The following CYP2C19 variants were observed in gnomAD, a reference collection of about 807,000 sequenced individuals.
CYP2C19 encodes cytochrome P450 family 2 subfamily C member 19, also known as cytochrome P450 2C19.
Under a neutral mutation model 40.9 loss-of-function variants are expected in CYP2C19, and 59 were observed. The ratio of observed to expected loss-of-function variants is 1.44; its 90% CI spans 1.17 to 1.79. The LOEUF is 1.79. CYP2C19 is among the 40% of genes most tolerant of loss of function. CYP2C19 has a pLI of 0.00. For synonymous variants in CYP2C19, 253 were observed against 208.7 expected (o/e 1.21, Z -1.83); for missense variants, 754 against 596.9 (o/e 1.26, Z -2.74).
chr10:94,771,013 T>C (rs190469013), intron 1 of CYP2C19, among the ~76,000 whole-genome samples: 1 of 152,180 alleles, frequency 6.6e-6, no homozygotes, highest in African/African-American at 2.4e-5. Context: ...CAGGGTTTGA[T>C]CTAACAATAG....
chr10:94,824,748 G>A (rs1017610040), intron 6 of CYP2C19, among the ~76,000 whole-genome samples: 7 of 150,410 alleles, frequency 4.7e-5, no homozygotes, highest in South Asian at 4.2e-4. Context: ...GCTGGTGCAC[G>A]GCACCCACTA....
intron 1 of CYP2C19, among the ~76,000 whole-genome samples, chr10:94,772,467 A>C (rs1162039263): frequency 6.6e-6 from 1 of 152,096 alleles, no homozygotes; most frequent in Non-Finnish European, 1.5e-5. Flanking sequence ...AGGCAAGAGG[A>C]AGTTTGTCTG....
At chr10:94,799,804 G>A (rs899599729) in intron 5 of CYP2C19, among the ~76,000 whole-genome samples, 1 of 151,894 alleles carries the variant, frequency 6.6e-6, no homozygotes, top group Non-Finnish European at 1.5e-5. Flanking sequence ...ATTGACTATT[G>A]AAGCTTCTGC....
chr10:94,801,581 G>A lies in CYP2C19; in HGVS notation c.820-18915G>A, dbSNP rs531076904. On this transcript the variant is annotated intron_variant, in intron 5 of 8. Transcript: ENST00000371321. ...AATGTATATTCTGTTGATTTGGGAT[G>A]GAGAGTTCTGTAGATGTCATTAGGT... 2.6e-5 allele frequency among the ~76,000 whole-genome samples: 4 copies of A among 152,262 alleles called. No homozygotes were observed. The East Asian group carries it at 7.7e-4, about 29-fold the overall frequency.
intron 5 of CYP2C19, among the ~76,000 whole-genome samples, chr10:94,815,727 A>T (rs766529610): frequency 6.6e-6 from 1 of 152,172 alleles, no homozygotes; most frequent in Non-Finnish European, 1.5e-5. Flanking sequence ...TCCCATATAG[A>T]TTACAATACT....
intron 5 of CYP2C19, among the ~76,000 whole-genome samples, chr10:94,790,992 G>A (rs912287924): frequency 1.7e-4 from 26 of 152,080 alleles, no homozygotes; most frequent in Admixed American, 1.6e-3. Context: ...GAATCCCTCT[G>A]GTTCTGGACT....
chr10:94,828,740 T>C (rs1393111017), intron 6 of CYP2C19, among the ~76,000 whole-genome samples: 4 of 152,052 alleles, frequency 2.6e-5, no homozygotes, highest in East Asian at 3.9e-4. Context: ...CGTTAGTTGA[T>C]GCAGTTTCTT....
chr10:94,812,173 T>C (rs542925952), intron 5 of CYP2C19, among the ~76,000 whole-genome samples: 1 of 152,318 alleles, frequency 6.6e-6, no homozygotes, highest in African/African-American at 2.4e-5. Flanking sequence ...GGTTGAAAAT[T>C]CTTTTCTTTA....
intron 6 of CYP2C19, among the ~76,000 whole-genome samples, chr10:94,831,405 T>C (rs1260217012): frequency 2.0e-5 from 3 of 152,162 alleles, no homozygotes; most frequent in Non-Finnish European, 4.4e-5. Flanking sequence ...AGTAGTAGGG[T>C]TGTTGGTAGT....
chr10:94,798,937 G>T (rs891818223), intron 5 of CYP2C19, among the ~76,000 whole-genome samples: 2 of 149,544 alleles, frequency 1.3e-5, no homozygotes, highest in African/African-American at 4.9e-5. Context: ...GCACACTGAT[G>T]GGTCTTGACT....
intron 5 of CYP2C19, 135 bp from the exon 6 acceptor site, chr10:94,820,361 A>T: frequency 9.9e-7 from 1 of 1,006,032 alleles, no homozygotes; most frequent in Non-Finnish European, 1.5e-6. Context: ...CACCGCTCCT[A>T]TTCAATATTT....
intron 7 of CYP2C19, among the ~76,000 whole-genome samples, chr10:94,849,381 T>C (rs1849617799): frequency 6.6e-6 from 1 of 151,680 alleles, no homozygotes. Context: ...AAACAGGAAA[T>C]TCAAAAGCAA....
intron 6 of CYP2C19, among the ~76,000 whole-genome samples, chr10:94,836,543 T>C (rs776941703): frequency 5.3e-5 from 8 of 152,232 alleles, no homozygotes; most frequent in Non-Finnish European, 5.9e-5. Context: ...CTGAGTTTCC[T>C]TAATTAGTGT....
chr10:94,852,596 C>A, intron 8 of CYP2C19, 137 bp from the exon 9 acceptor site: 1 of 859,440 alleles, frequency 1.2e-6, no homozygotes, highest in Non-Finnish European at 1.8e-6. Context: ...ACCCAACCAC[C>A]CATCTATCTA....
chr10:94,777,322 A>C (rs1848421419), intron 3 of CYP2C19, among the ~76,000 whole-genome samples: 1 of 152,300 alleles, frequency 6.6e-6, no homozygotes, highest in East Asian at 1.9e-4. Context: ...ATATGGAACC[A>C]AAAAAGAGCT....
chr10:94,797,006 C>G (rs976170533), intron 5 of CYP2C19, among the ~76,000 whole-genome samples: 2 of 151,974 alleles, frequency 1.3e-5, no homozygotes, highest in African/African-American at 4.8e-5. Context: ...CTGATTGCCC[C>G]GGCGAGAACT....
At chr10:94,809,775 G>C (rs539150491) in intron 5 of CYP2C19, among the ~76,000 whole-genome samples, 2 of 152,082 alleles carry the variant, frequency 1.3e-5, no homozygotes, top group Admixed American at 1.3e-4. Flanking sequence ...TTAGCATGAA[G>C]GGGAGTTGAA....
At chr10:94,849,017 C>T (rs1298417136) in intron 7 of CYP2C19, among the ~76,000 whole-genome samples, 1 of 152,180 alleles carries the variant, frequency 6.6e-6, no homozygotes, top group African/African-American at 2.4e-5. Context: ...ATCATGTCAT[C>T]TGCAAACAGG....
intron 5 of CYP2C19, among the ~76,000 whole-genome samples, chr10:94,797,266 T>C (rs1848702935): frequency 6.6e-6 from 1 of 152,202 alleles, no homozygotes; most frequent in Admixed American, 6.5e-5. Context: ...GTTTTTGTCT[T>C]TGGTTCTGTT....
Sources: allele counts gnomAD v4.1 joint callset (sites outside exome capture counted in the v4.1 genomes callset), GRCh38; gene constraint gnomAD v4.1.1; transcripts MANE v1.5; gene names NCBI Gene and HGNC (gene_info 2026-07-23, HGNC 2026-07-21).